The following LY96 variants were observed in gnomAD, a reference collection of about 807,000 sequenced individuals.
LY96 encodes the protein lymphocyte antigen 96, also known as myeloid differentiation protein-2.
In LY96, 18 loss-of-function variants were observed where a neutral mutation model predicts 18.9. The ratio of observed to expected loss-of-function variants is 0.95; its 90% CI spans 0.66 to 1.41. The LOEUF (loss-of-function observed/expected upper bound fraction) is 1.41, where lower values mean the gene tolerates loss of function less well. LY96 is among the 40% of genes most tolerant of loss of function. The probability of loss-of-function intolerance (pLI) is 0.00; values close to 1 mark genes in which losing one functional copy is unlikely to be tolerated. For missense variants in LY96, 175 were observed against 182.4 expected (o/e 0.96, Z 0.23); for synonymous variants, 66 against 62.6 (o/e 1.06, Z -0.26).
chr8:74,063,219 C>T, the LY96 span, among the ~76,000 whole-genome samples: 1 of 152,166 alleles, frequency 6.6e-6, no homozygotes, highest in East Asian at 1.9e-4. Context: ...TAGCTTACTC[C>T]AGTGTAAGTA....
the LY96 span, among the ~76,000 whole-genome samples, chr8:74,069,833 C>T: frequency 6.6e-6 from 1 of 152,158 alleles, no homozygotes. Context: ...AACTCCTGAC[C>T]TCAGGTGATC....
chr8:74,000,363 C>T (rs1816237983), intron 1 of LY96, among the ~76,000 whole-genome samples: 1 of 152,050 alleles, frequency 6.6e-6, no homozygotes, highest in African/African-American at 2.4e-5. Flanking sequence ...AACTGTGTAG[C>T]AAGGATGGCC....
chr8:74,083,188 T>A, the LY96 span, among the ~76,000 whole-genome samples: 197 of 152,254 alleles, frequency 1.3e-3, 2 homozygotes, highest in African/African-American at 4.1e-3. Flanking sequence ...CCAGCATATA[T>A]CTCTGAAAGT....
intron 2 of LY96, among the ~76,000 whole-genome samples, chr8:74,006,217 T>C (rs752226028): frequency 2.6e-5 from 4 of 152,122 alleles, no homozygotes; most frequent in Non-Finnish European, 4.4e-5. Context: ...TCTTTTGAGA[T>C]GGAGTCTCTG....
At chr8:73,993,400 C>T (rs1816051539) in intron 1 of LY96, among the ~76,000 whole-genome samples, 1 of 151,964 alleles carries the variant, frequency 6.6e-6, no homozygotes, top group Admixed American at 6.6e-5. Context: ...CTCAGCCTTC[C>T]AAGTAGCTGG....
At chr8:73,994,105 C>T (rs751049722) in intron 1 of LY96, among the ~76,000 whole-genome samples, 1 of 152,130 alleles carries the variant, frequency 6.6e-6, no homozygotes, top group African/African-American at 2.4e-5. Flanking sequence ...TTGCCTCAGC[C>T]TCCTAAATAG....
At chr8:74,081,181 T>C in the LY96 span, among the ~76,000 whole-genome samples, 1 of 146,052 alleles carries the variant, frequency 6.8e-6, no homozygotes, top group African/African-American at 2.6e-5. Flanking sequence ...TTCTTTCTTT[T>C]CCCTTCCTTC....
intron 1 of LY96, among the ~76,000 whole-genome samples, chr8:74,002,744 G>A (rs1816323702): frequency 7.5e-6 from 1 of 133,426 alleles, no homozygotes; most frequent in African/African-American, 2.7e-5. Context: ...GCTAATTTTT[G>A]TATTTTTTTC....
At chr8:74,094,898 A>G in the LY96 span, among the ~76,000 whole-genome samples, 1 of 152,230 alleles carries the variant, frequency 6.6e-6, no homozygotes, top group African/African-American at 2.4e-5. Context: ...TGTGTGAAAA[A>G]GAAAGAGACA....
chr8:74,049,251 A>G, the LY96 span, among the ~76,000 whole-genome samples: 1 of 152,228 alleles, frequency 6.6e-6, no homozygotes, highest in South Asian at 2.1e-4. Flanking sequence ...TGAATGGATC[A>G]GGTCCCTCCC....
At chr8:74,029,299 A>T (rs4737403), downstream of LY96, among the ~76,000 whole-genome samples, 6,338 of 152,194 alleles carry the variant, frequency 0.042, 152 homozygotes, top group Middle Eastern at 0.062. Flanking sequence ...AGTGTTTGTT[A>T]TGTTTTCCAC....
the LY96 span, among the ~76,000 whole-genome samples, chr8:74,035,034 G>T: frequency 7.7e-4 from 118 of 152,274 alleles, no homozygotes; most frequent in Non-Finnish European, 1.4e-3. Context: ...AAAACTCCCA[G>T]TTATGAGTTG....
the LY96 span, among the ~76,000 whole-genome samples, chr8:74,049,148 C>A: frequency 6.6e-6 from 1 of 152,178 alleles, no homozygotes; most frequent in Non-Finnish European, 1.5e-5. Context: ...AGAGCAGGAA[C>A]CGTATGTGTT....
intron 3 of LY96, among the ~76,000 whole-genome samples, chr8:74,023,927 G>C (rs1217706357): frequency 6.6e-6 from 1 of 152,162 alleles, no homozygotes; most frequent in African/African-American, 2.4e-5. Flanking sequence ...AGTCTAGAGA[G>C]AGAAACACAC....
the LY96 span, among the ~76,000 whole-genome samples, chr8:74,065,103 T>C: frequency 5.3e-5 from 8 of 152,200 alleles, no homozygotes; most frequent in Non-Finnish European, 1.0e-4. Flanking sequence ...AAAGCTTAAC[T>C]CTTAACCAGT....
the LY96 span, among the ~76,000 whole-genome samples, chr8:74,077,016 T>C: frequency 6.6e-6 from 1 of 152,152 alleles, no homozygotes; most frequent in Non-Finnish European, 1.5e-5. Flanking sequence ...CAATGACTCA[T>C]AGAATTGAGG....
the LY96 span, among the ~76,000 whole-genome samples, chr8:74,081,087 C>CTCTTTCTCTCTTTCTT: frequency 2.1e-5 from 2 of 93,024 alleles, no homozygotes; most frequent in East Asian, 3.2e-4. Context: ...TTCTCTTTCT[C>CTCTTTCTCTCTTTCTT]TCTTTCTTTC....
the LY96 span, among the ~76,000 whole-genome samples, chr8:74,037,574 G>A: frequency 1.3e-5 from 2 of 152,172 alleles, no homozygotes; most frequent in Non-Finnish European, 2.9e-5. Context: ...TGAAGCTTCA[G>A]TGAAGCTAAG....
At chr8:74,009,910 C>A in intron 2 of LY96, 91 bp from the exon 3 acceptor site, 1 of 888,722 alleles carries the variant, frequency 1.1e-6, no homozygotes, top group Non-Finnish European at 1.9e-6. Flanking sequence ...AAGAAAAGCA[C>A]AGGGCCCCTT....
Sources: gnomAD v4.1 joint callset for allele counts (sites outside exome capture counted in the v4.1 genomes callset) on GRCh38, gnomAD v4.1.1 for gene constraint, MANE v1.5 for transcripts, NCBI Gene and HGNC (gene_info 2026-07-23, HGNC 2026-07-21) for gene names.